Variants in PKD1L1 observed in about 807,000 individuals in gnomAD.
PKD1L1 encodes polycystin-1-like protein 1.
A neutral mutation model predicts 323.4 loss-of-function variants in PKD1L1; 236 were observed. The ratio of observed to expected loss-of-function variants is 0.73; its 90% CI spans 0.66 to 0.81. The LOEUF (loss-of-function observed/expected upper bound fraction) is 0.81, where lower values mean the gene tolerates loss of function less well. Among genes scored for constraint, PKD1L1 ranks in the 40% least tolerant of loss-of-function variants. PKD1L1 has a pLI of 0.00. For missense variants in PKD1L1, 3,320 were observed against 3,508.0 expected (o/e 0.95, Z 1.35); for synonymous variants, 1,344 against 1,335.0 (o/e 1.01, Z -0.15).
At position 47,855,350 on chromosome 7, in the gene PKD1L1, G is replaced by A. The variant is rs557360531; in HGVS notation, c.4591-85C>T. On this transcript the variant is annotated intron_variant, in intron 28 of 56. Transcript: ENST00000289672. ...AAGCAGCAAACCAAAGTATCGTGGTGCTGCTATTACACTTACATAAAATTA... is the reference window on the plus strand; with the variant it reads ...AAGCAGCAAACCAAAGTATCGTGGTACTGCTATTACACTTACATAAAATTA... 310 of 925,584 alleles carry A rather than the reference G, an allele frequency of 3.3e-4. 1 individual carries two copies. The East Asian group carries it at 7.2e-3, about 22-fold the overall frequency. The allele number at this position is 925,584 out of a possible 1,614,324, so 57.3% of individuals were successfully genotyped here. A position where few individuals can be genotyped will look rare whatever the true frequency, so the allele number is the denominator to read the frequency against.
chr7:47,915,615 G>C lies in PKD1L1; in HGVS notation c.1061-16C>G, dbSNP rs1251603861. ...AAAAAAATACCTATAAAAGCAAAAA[G>C]AAGAAAATAAAGATAAAAGTGGAAA... On this transcript the variant is annotated splice_polypyrimidine_tract_variant and intron_variant, in intron 7 of 56. Transcript: ENST00000289672. 1 of 1,446,924 alleles carries C rather than the reference G, an allele frequency of 6.9e-7. No individual in the cohort carries two copies. The allele number at this position is 1,446,924 out of a possible 1,614,324, so 89.6% of individuals were successfully genotyped here.
chr7:47,863,357 G>T (rs1334062797), intron 26 of PKD1L1, among the ~76,000 whole-genome samples: 1 of 152,050 alleles, frequency 6.6e-6, no homozygotes, highest in East Asian at 1.9e-4. Context: ...GTCAGCTTTG[G>T]GTTGGAGGTG....
At chr7:47,790,281 C>T (rs1786909452) in intron 56 of PKD1L1, among the ~76,000 whole-genome samples, 1 of 151,894 alleles carries the variant, frequency 6.6e-6, no homozygotes, top group Non-Finnish European at 1.5e-5. Context: ...TTCATATGCA[C>T]ATTTAAACAG....
intron 24 of PKD1L1, among the ~76,000 whole-genome samples, chr7:47,871,823 G>GAAC (rs1243037422): frequency 6.6e-6 from 1 of 152,190 alleles, no homozygotes; most frequent in Non-Finnish European, 1.5e-5. Context: ...ATATTAATAT[G>GAAC]AAGTGGTGAA....
chr7:47,903,062 C>G (rs746664133), intron 12 of PKD1L1, among the ~76,000 whole-genome samples: 2 of 152,188 alleles, frequency 1.3e-5, no homozygotes, highest in Non-Finnish European at 2.9e-5. Context: ...TGGAGAGATT[C>G]AGGACAGTTG....
intron 19 of PKD1L1, 136 bp from the exon 20 acceptor site, chr7:47,882,221 G>T: frequency 1.1e-6 from 1 of 942,838 alleles, no homozygotes; most frequent in Non-Finnish European, 1.6e-6. Flanking sequence ...AATGTCTTCA[G>T]CAGCCAAACA....
At chr7:47,819,589 C>T (rs1250983200) in intron 46 of PKD1L1, 2 of 1,362,130 alleles carry the variant, frequency 1.5e-6, no homozygotes, top group Non-Finnish European at 2.0e-6. Context: ...CTGCTGGTTT[C>T]ACAAATGAGG....
At chr7:47,844,177 C>T (rs566617984) in intron 33 of PKD1L1, among the ~76,000 whole-genome samples, 12 of 152,314 alleles carry the variant, frequency 7.9e-5, no homozygotes, top group African/African-American at 2.4e-4. Flanking sequence ...TCTTCTGAGC[C>T]CTGATCACTG....
chr7:47,835,037 T>A lies in PKD1L1; in HGVS notation c.6057A>T (p.Glu2019Asp). ...LLSLLFRLSK[E>D]APGSARVEPH... ...GCTCCACTCGGGCAGACCCCGGGGC[T>A]TCCTGCAGAAGGAAAGAGGTGGTTC... The change falls in exon 39 of 57, where the codon GAA (glutamate) becomes GAT (aspartate). Residue 2019 changes from glutamate (E) to aspartate (D), a missense_variant and splice_region_variant. By Grantham distance (45) the Glu-to-Asp change is conservative. Transcript: ENST00000289672. 1.2e-6 allele frequency: 2 copies of A among 1,613,664 alleles called. No homozygotes were observed. Among genetic ancestry groups the A allele is most frequent in the Non-Finnish European group, 1.7e-6 (2 of 1,179,764 alleles).
chr7:47,898,144 G>A lies in PKD1L1; in HGVS notation c.2115C>T (p.Val705=). ...VRLGVTFEAA[V]FCDISQGLSY... ...AAAGACCTTGGGAAATATCACAGAAGACTGCAGCTTCAAACGTCACTCCCA... is the reference window on the plus strand; with the variant it reads ...AAAGACCTTGGGAAATATCACAGAAAACTGCAGCTTCAAACGTCACTCCCA... The change falls in exon 14 of 57, where the codon GTC becomes GTT. Residue 705 remains valine, a synonymous_variant. Transcript: ENST00000289672. The A allele has an allele frequency of 6.2e-7, 1 of 1,614,164 alleles. No homozygotes were observed. The highest frequency in any genetic ancestry group is 2.2e-5 in the East Asian group (1 of 44,886).
chr7:47,839,748 C>T lies in PKD1L1; in HGVS notation c.5553-86G>A. ...TCAGCCCCAATGCTCACCCTCAAGGCACTGATGGCCCACAGAGGGTGGATG... is the reference window on the plus strand; with the variant it reads ...TCAGCCCCAATGCTCACCCTCAAGGTACTGATGGCCCACAGAGGGTGGATG... On this transcript the variant is annotated intron_variant, in intron 35 of 56. Coordinates refer to ENST00000289672, the MANE Select transcript of PKD1L1 (RefSeq NM_138295.5). This position sits in a 1 kb window ranked among gnomAD's most constrained non-coding sequence, Gnocchi z 4.3. 1.6e-6 allele frequency: 2 copies of T among 1,280,572 alleles called. No homozygotes were observed. The highest frequency in any genetic ancestry group is 2.8e-5 in the South Asian group (2 of 70,790). 79.3% of individuals were successfully genotyped at this position (1,280,572 alleles called of 1,614,324 possible).
At position 47,800,879 on chromosome 7, in the gene PKD1L1, G is replaced by C; in HGVS notation, c.7963C>G (p.Leu2655Val). ...HSLPSIFVAG[L>V]VGALMLAALS... is the part of the protein sequence containing the mutation. ...GCGGCCAGCATCAGTGCCCCCACCA[G>C]CTGCAGAAAGAAAATCCAGAGAGCA... Residue 2655 changes from leucine (L) to valine (V), a missense_variant and splice_region_variant, in exon 54 of 57, where the codon CTG becomes GTG. Coordinates refer to ENST00000289672, the MANE Select transcript of PKD1L1 (RefSeq NM_138295.5). The C allele has an allele frequency of 6.2e-7, 1 of 1,613,220 alleles. No homozygotes were observed. The highest frequency in any genetic ancestry group is 8.5e-7 in the Non-Finnish European group (1 of 1,179,278).
chr7:47,946,220 A>G lies in PKD1L1; in HGVS notation c.44+2177T>C, dbSNP rs1788091907. Among the ~76,000 whole-genome samples the G allele has an allele frequency of 6.6e-6, 1 of 152,140 alleles. No homozygotes were observed. The highest frequency in any genetic ancestry group is 1.5e-5 in the Non-Finnish European group (1 of 68,028). On this transcript the variant is annotated intron_variant, in intron 1 of 56. Coordinates refer to ENST00000289672, the MANE Select transcript of PKD1L1 (RefSeq NM_138295.5). The surrounding 1 kb of genome is among the most constrained non-coding windows in gnomAD (Gnocchi z 4.1). ...CAGTCTCTGAGGCATCATGTGCCTC[A>G]AGGGAACTAGTCGAGCCATTTGTTT...
chr7:47,919,939 C>T (rs1787501369), intron 7 of PKD1L1, among the ~76,000 whole-genome samples: 1 of 152,114 alleles, frequency 6.6e-6, no homozygotes, highest in South Asian at 2.1e-4. Flanking sequence ...TGAAAGCATT[C>T]CCTCTGAGAA....
Position 47,873,892 on chromosome 7 carries a change from T to C in PKD1L1, c.3896+7A>G. 3 of 1,604,080 alleles carry C rather than the reference T, an allele frequency of 1.9e-6. No individual in the cohort carries two copies. The highest frequency in any genetic ancestry group is 2.6e-6 in the Non-Finnish European group (3 of 1,172,216). Reference sequence around the variant, plus strand: ...CTAGGATGTCTGTGTGGCATTGTGTTACTCACAGGTCCTCGCCCAGACAGT... The same window carrying C: ...CTAGGATGTCTGTGTGGCATTGTGTCACTCACAGGTCCTCGCCCAGACAGT... On this transcript the variant is annotated splice_region_variant and intron_variant, in intron 24 of 56. Transcript: ENST00000289672.
In PKD1L1 at chr7:47,836,994, A is replaced by T. The variant is rs1785471758; in HGVS notation, c.5870T>A (p.Leu1957His). ...GCACAGCAGGGAGAAGGACACGGTGAGGCGCGGCGTGTGCAGGTAGCGGCT... is the reference window on the plus strand; with the variant it reads ...GCACAGCAGGGAGAAGGACACGGTGTGGCGCGGCGTGTGCAGGTAGCGGCT... ...SSSRYLHTPRLTVSFSLLCVY... is the reference protein window; with the variant it reads ...SSSRYLHTPRHTVSFSLLCVY... The change falls in exon 37 of 57, where the codon CTC (leucine) becomes CAC (histidine). Residue 1957 changes from leucine to histidine, a missense_variant. Coordinates refer to ENST00000289672, the MANE Select transcript of PKD1L1 (RefSeq NM_138295.5). 6.2e-7 allele frequency: 1 copy of T among 1,614,174 alleles called. No individual in the cohort carries two copies.
intron 11 of PKD1L1, among the ~76,000 whole-genome samples, 194 bp from the exon 12 acceptor site, chr7:47,904,811 C>T (rs1432122591): frequency 6.6e-6 from 1 of 151,982 alleles, no homozygotes; most frequent in Non-Finnish European, 1.5e-5. Flanking sequence ...TTTGACTACC[C>T]CCCTCTTCAT....
rs1787727855 is a variant in PKD1L1, at chr7:47,929,675, A to G, written c.738-149T>C. ...AGGCTTCACTTCCACTGGTTCTCAG[A>G]GTGGGGTCCCAGGGCCAGCAGCATC... On this transcript the variant is annotated intron_variant, in intron 6 of 56. Transcript: ENST00000289672. 5.5e-6 allele frequency: 4 copies of G among 729,480 alleles called. 1 individual carries two copies. In the South Asian group the frequency reaches 7.7e-5, roughly 14 times the overall value. 45.2% of individuals were successfully genotyped at this position (729,480 alleles called of 1,614,324 possible).
intron 21 of PKD1L1, among the ~76,000 whole-genome samples, chr7:47,878,456 C>G (rs9918570): frequency 0.36 from 54,775 of 152,028 alleles, 11,249 homozygotes; most frequent in African/African-American, 0.56. Context: ...GATCATCATC[C>G]TCATCGTAAC....
Sources: gnomAD v4.1 joint callset for allele counts (sites outside exome capture counted in the v4.1 genomes callset) on GRCh38, gnomAD v4.1.1 for gene constraint, Gnocchi (gnomAD v3.1) non-coding constraint, MANE v1.5 for transcripts, NCBI Gene and HGNC (gene_info 2026-07-23, HGNC 2026-07-21) for gene names.